LIMS2: variants seen among roughly 807,000 people sequenced by gnomAD.
LIMS2 encodes LIM and senescent cell antigen-like-containing domain protein 2.
A neutral mutation model predicts 45.3 loss-of-function variants in LIMS2; 30 were observed. The observed-to-expected ratio is 0.66, with a 90% CI of 0.50 to 0.90. The LOEUF (loss-of-function observed/expected upper bound fraction) is 0.90. LIMS2 is among the 40% of genes least tolerant of loss of function. The pLI, the probability that LIMS2 is intolerant of heterozygous loss-of-function variation, is 0.00. For missense variants in LIMS2, 485 were observed against 468.7 expected (o/e 1.03, Z -0.32); for synonymous variants, 173 against 188.0 (o/e 0.92, Z 0.65).
At chr2:127,677,872 G>A (rs1243199693), upstream of LIMS2, among the ~76,000 whole-genome samples, 1 of 152,208 alleles carries the variant, frequency 6.6e-6, no homozygotes, top group Admixed American at 6.5e-5. The surrounding 1 kb of genome is among the most constrained non-coding windows in gnomAD (Gnocchi z 5.0). Flanking sequence ...ACCCCGGACT[G>A]CCCTGAGGTG....
At position 127,651,654 on chromosome 2, in the gene LIMS2, G is replaced by A. The variant is rs145614087; in HGVS notation, c.359+2770C>T. On this transcript the variant is annotated intron_variant, in intron 4 of 9. Transcript: ENST00000355119. ...CTTCGTGGCTGAGAAGTTCCGCCAC[G>A]CCCTGTGCAACTTGCTCTGTGGCAA... 5.8e-5 allele frequency: 94 copies of A among 1,613,276 alleles called. No homozygotes were observed. The Middle Eastern group carries it at 9.9e-4, about 17-fold the overall frequency.
intron 4 of LIMS2, 195 bp from the exon 5 acceptor site, chr2:127,643,267 C>T (rs762294161): frequency 7.1e-5 from 44 of 615,798 alleles, no homozygotes; most frequent in Middle Eastern, 4.3e-4. Flanking sequence ...GGGAATGGGA[C>T]GCATGCTCAG....
intron 4 of LIMS2, chr2:127,648,237 A>G: frequency 1.0e-6 from 1 of 981,142 alleles, no homozygotes; most frequent in Non-Finnish European, 1.2e-6. Context: ...CTCTGGTGTT[A>G]GAACTTCAGG....
At chr2:127,660,429 C>T (rs899953823) in intron 1 of LIMS2, among the ~76,000 whole-genome samples, 8 of 152,142 alleles carry the variant, frequency 5.3e-5, no homozygotes, top group South Asian at 4.1e-4. Context: ...ATGTTCACAG[C>T]GAAGGTCTGC....
intron 4 of LIMS2, chr2:127,650,938 T>C (rs1303732245): frequency 6.2e-7 from 1 of 1,613,980 alleles, no homozygotes; most frequent in African/African-American, 1.3e-5. Flanking sequence ...CCGGCCAACG[T>C]GTTCCTGATG....
In LIMS2 at chr2:127,664,263, C is replaced by G; in HGVS notation, c.12-6701G>C. The G allele has an allele frequency of 8.1e-7, 1 of 1,228,814 alleles. No individual in the cohort carries two copies. Among genetic ancestry groups the G allele is most frequent in the East Asian group, 3.3e-5 (1 of 30,690 alleles). The allele number at this position is 1,228,814 out of a possible 1,614,324, so 76.1% of individuals were successfully genotyped here. ...AGGCCTGCCCTGCCGCCGCAGCTTT[C>G]CGGCCATTGTCCCCGCCACCCGCCC... On this transcript the variant is annotated intron_variant, in intron 1 of 9. Transcript: ENST00000355119. The surrounding 1 kb of genome is among the most constrained non-coding windows in gnomAD (Gnocchi z 5.5).
chr2:127,649,553 C>T (rs577677803), intron 4 of LIMS2, among the ~76,000 whole-genome samples: 200 of 152,366 alleles, frequency 1.3e-3, no homozygotes, highest in African/African-American at 4.4e-3. Context: ...GCCCTGGTTC[C>T]GGGCTGCGGG....
chr2:127,650,756 TC>T lies in LIMS2; in HGVS notation c.359+3667del, dbSNP rs756513971. The T allele has an allele frequency of 2.3e-5, 37 of 1,612,138 alleles. No individual in the cohort carries two copies. In the African/African-American group the frequency reaches 4.5e-4, roughly 20 times the overall value. The stretch of plus-strand genomic sequence containing the variant: ...AAAGCATGAATGGCCTTGAAGTGGC[TC>T]CCCCAGGTCTGATCACCAACTTCTC... On this transcript the variant is annotated intron_variant, in intron 4 of 9. Transcript: ENST00000355119.
At chr2:127,655,282 G>T in intron 2 of LIMS2, 1 of 296,036 alleles carries the variant, frequency 3.4e-6, no homozygotes, top group Non-Finnish European at 6.7e-6. Context: ...TTCTCTGTGG[G>T]AGTATCCAGC....
chr2:127,645,234 G>T (rs918886142), intron 4 of LIMS2, among the ~76,000 whole-genome samples: 1 of 152,192 alleles, frequency 6.6e-6, no homozygotes, highest in Non-Finnish European at 1.5e-5. Flanking sequence ...GCTGCACAGG[G>T]TGATGTGAAG....
At chr2:127,663,558 C>T (rs1444446287) in intron 1 of LIMS2, among the ~76,000 whole-genome samples, 4 of 152,158 alleles carry the variant, frequency 2.6e-5, no homozygotes, top group Non-Finnish European at 4.4e-5. Context: ...TGGCACTGGC[C>T]TTCCTCTGCT....
upstream of LIMS2, among the ~76,000 whole-genome samples, chr2:127,677,115 T>C (rs150967325): frequency 2.2e-3 from 340 of 152,284 alleles, 1 homozygote; most frequent in African/African-American, 7.8e-3. This position sits in a 1 kb window ranked among gnomAD's most constrained non-coding sequence, Gnocchi z 5.0. Flanking sequence ...CTGCTGGAGA[T>C]GCAGAGGCTT....
At chr2:127,657,613 T>A (rs1684351769) in intron 1 of LIMS2, 51 bp from the exon 2 acceptor site, 1 of 1,538,370 alleles carries the variant, frequency 6.5e-7, no homozygotes, top group Non-Finnish European at 8.8e-7. Context: ...GGGGTGCAGA[T>A]GGGGCACACG....
rs889737242 is a variant in LIMS2 at position 127,672,736 on chromosome 2, C to T, written c.11+2278G>A. On this transcript the variant is annotated intron_variant, in intron 1 of 9. Transcript: ENST00000355119. This position sits in a 1 kb window ranked among gnomAD's most constrained non-coding sequence, Gnocchi z 4.9. ...CAGCACCCATGGGTTCATCTGCAGA[C>T]AGCATGGCCACACATGCCACTCCAG... is the stretch of plus-strand genomic sequence containing the variant. Among the ~76,000 whole-genome samples the T allele has an allele frequency of 2.0e-5, 3 of 152,260 alleles. No individual in the cohort carries two copies. Among genetic ancestry groups the T allele is most frequent in the African/African-American group, 7.2e-5 (3 of 41,466 alleles).
chr2:127,657,233 C>A (rs535481963), intron 2 of LIMS2, among the ~76,000 whole-genome samples, 170 bp downstream of exon 2: 1 of 152,356 alleles, frequency 6.6e-6, no homozygotes, highest in African/African-American at 2.4e-5. Context: ...GGGTGCTGTT[C>A]ACATCTCACA....
chr2:127,663,554 TG>T (rs945725024), intron 1 of LIMS2, among the ~76,000 whole-genome samples: 28 of 152,162 alleles, frequency 1.8e-4, no homozygotes, highest in African/African-American at 6.0e-4. Context: ...TGGGTGGCAC[TG>T]GCCTTCCTCT....
chr2:127,655,027 G>T, intron 2 of LIMS2, 131 bp from the exon 3 acceptor site: 1 of 836,750 alleles, frequency 1.2e-6, no homozygotes, highest in Middle Eastern at 2.2e-4. Context: ...GGCTGAGGCT[G>T]GAGCAGTGGG....
intron 1 of LIMS2, among the ~76,000 whole-genome samples, chr2:127,662,040 C>T (rs1344975406): frequency 6.6e-6 from 1 of 152,178 alleles, no homozygotes; most frequent in Non-Finnish European, 1.5e-5. Context: ...GAAGTCTGGT[C>T]ACACCCAAGA....
intron 1 of LIMS2, among the ~76,000 whole-genome samples, chr2:127,662,884 G>C (rs1684769316): frequency 6.6e-6 from 1 of 152,222 alleles, no homozygotes; most frequent in Non-Finnish European, 1.5e-5. Context: ...CTCCAAATCA[G>C]TATGAAACCT....
Sources: gnomAD v4.1 joint callset for allele counts (sites outside exome capture counted in the v4.1 genomes callset) on GRCh38, gnomAD v4.1.1 for gene constraint, Gnocchi (gnomAD v3.1) non-coding constraint, MANE v1.5 for transcripts, NCBI Gene and HGNC (gene_info 2026-07-23, HGNC 2026-07-21) for gene names.